BEND4: variants seen among roughly 807,000 people sequenced by gnomAD.
BEND4 encodes BEN domain containing 4, also known as BEN domain-containing protein 4.
A neutral mutation model predicts 54.7 loss-of-function variants in BEND4; 27 were observed. That is an observed-to-expected ratio of 0.49 (90% CI 0.36 to 0.68). The LOEUF is 0.68. BEND4 is among the 30% of genes least tolerant of loss of function. The probability of loss-of-function intolerance (pLI) is 0.00; values close to 1 mark genes in which losing one functional copy is unlikely to be tolerated. For synonymous variants in BEND4, 327 were observed against 299.5 expected, an observed-to-expected ratio of 1.09 and a Z score of -0.95; for missense variants, 702 against 697.2, an observed-to-expected ratio of 1.01 and a Z score of -0.08.
intron 3 of BEND4, among the ~76,000 whole-genome samples, chr4:42,134,090 C>T (rs763946957): frequency 1.3e-5 from 2 of 152,172 alleles, no homozygotes; most frequent in Non-Finnish European, 2.9e-5. Flanking sequence ...AAATGGTCTT[C>T]GTAAATAGTT....
At chr4:42,149,230 G>GTCTGTGCACA (rs1464982687) in intron 2 of BEND4, among the ~76,000 whole-genome samples, 3 of 140,736 alleles carry the variant, frequency 2.1e-5, no homozygotes, top group Non-Finnish European at 4.6e-5. Flanking sequence ...ATGGCCACGG[G>GTCTGTGCACA]TCTGTGCACA....
At chr4:42,125,525 A>T in intron 4 of BEND4, 58 bp downstream of exon 4, 1 of 1,332,862 alleles carries the variant, frequency 7.5e-7, no homozygotes, top group African/African-American at 1.4e-5. Context: ...CTGATAAGTT[A>T]ATCAAGATAC....
At position 42,125,589 on chromosome 4, in the gene BEND4, C is replaced by T. The variant is rs369710858; in HGVS notation, c.1140G>A (p.Pro380=). Residue 380 remains proline, a synonymous_variant, in exon 4 of 6, where the codon CCG becomes CCA. Transcript: ENST00000502486. Reference sequence around the variant, plus strand: ...CTTTTTACCAGAGACCTACCTCTGTCGGCTGGTCAGCTGGCTGTGGTATCA... The same window carrying T: ...CTTTTTACCAGAGACCTACCTCTGTTGGCTGGTCAGCTGGCTGTGGTATCA... ...QLLIPQPADQ[P]TEGSKQLLNN... The T allele has an allele frequency of 7.7e-5, 124 of 1,611,820 alleles. No homozygotes were observed. The highest frequency in any genetic ancestry group is 9.3e-5 in the Non-Finnish European group (109 of 1,178,040).
rs2153143735 is a variant in BEND4 at position 42,113,430 on chromosome 4, T to C, written c.*4088A>G. 6.6e-6 allele frequency: 1 copy of C among 152,334 alleles called. No individual in the cohort carries two copies. The highest frequency in any genetic ancestry group is 2.1e-4 in the South Asian group (1 of 4,822). 9.4% of individuals were successfully genotyped at this position (152,334 alleles called of 1,614,324 possible). A position where few individuals can be genotyped will look rare whatever the true frequency, so the allele number is the denominator to read the frequency against. ...AATGAGGACAATGGATGTTTGCTTT[T>C]CTGAACATATAGTGCACGTTTCATC... is the stretch of plus-strand genomic sequence containing the variant. On this transcript the variant is annotated 3_prime_UTR_variant, in exon 6 of 6. Transcript: ENST00000502486.
intron 4 of BEND4, among the ~76,000 whole-genome samples, chr4:42,122,892 G>C (rs1009410694): frequency 1.3e-5 from 2 of 152,192 alleles, no homozygotes; most frequent in African/African-American, 2.4e-5. Flanking sequence ...CTCAAGTTCA[G>C]AGTTCACCCT....
chr4:42,113,629 T>TATCA lies in BEND4; in HGVS notation c.*3885_*3888dup, dbSNP rs1719664098. ...TAGTTACTGGACTTAAAAAAAATCC[T>TATCA]ATCAACATCAGTTACCACTAGTTGA... On this transcript the variant is annotated 3_prime_UTR_variant, in exon 6 of 6. Transcript: ENST00000502486. The TATCA allele has an allele frequency of 6.6e-6, 1 of 152,204 alleles. No individual in the cohort carries two copies. Among genetic ancestry groups the TATCA allele is most frequent in the African/African-American group, 2.4e-5 (1 of 41,446 alleles). The allele number at this position is 152,204 out of a possible 1,614,324, so 9.4% of individuals were successfully genotyped here.
At chr4:42,137,787 C>T (rs1720744120) in intron 3 of BEND4, among the ~76,000 whole-genome samples, 1 of 152,114 alleles carries the variant, frequency 6.6e-6, no homozygotes, top group African/African-American at 2.4e-5. Context: ...TTACAAAATG[C>T]ACAAAAGACC....
Position 42,117,460 on chromosome 4 carries a change from A to C in BEND4, c.*58T>G. The C allele has an allele frequency of 8.2e-7, 1 of 1,222,374 alleles. No individual in the cohort carries two copies. The highest frequency in any genetic ancestry group is 2.0e-5 in the Admixed American group (1 of 49,452). 75.7% of individuals were successfully genotyped at this position (1,222,374 alleles called of 1,614,324 possible). On this transcript the variant is annotated 3_prime_UTR_variant, in exon 6 of 6. Transcript: ENST00000502486. The stretch of plus-strand genomic sequence containing the variant: ...TGGACTCTCAGGTGACAGGAACAGG[A>C]CATTCACAATTGGAACTCTTGAGAG...
At position 42,142,201 on chromosome 4, in the gene BEND4, C is replaced by G. The variant is rs190219531; in HGVS notation, c.1054+1227G>C. The stretch of plus-strand genomic sequence containing the variant: ...GATTACAGGCGTGAGCCACTGCGCC[C>G]GGCCTCAAGCTTAAACACTTTTTAG... On this transcript the variant is annotated intron_variant, in intron 3 of 5. Coordinates refer to ENST00000502486, the MANE Select transcript of BEND4 (RefSeq NM_207406.4). Among the ~76,000 whole-genome samples the G allele has an allele frequency of 3.9e-3, 593 of 151,664 alleles. 2 individuals carry two copies. The highest frequency in any genetic ancestry group is 0.014 in the African/African-American group (569 of 41,392).
intron 3 of BEND4, among the ~76,000 whole-genome samples, chr4:42,129,610 A>G (rs1041950786): frequency 9.8e-5 from 15 of 152,364 alleles, no homozygotes; most frequent in African/African-American, 3.6e-4. Context: ...CTGATCTTCA[A>G]AAAACCTGAC....
chr4:42,140,367 A>G (rs1323013348), intron 3 of BEND4, among the ~76,000 whole-genome samples: 1 of 152,198 alleles, frequency 6.6e-6, no homozygotes, highest in East Asian at 1.9e-4. Flanking sequence ...CATAATTAAT[A>G]AACTGGCTTT....
Position 42,115,102 on chromosome 4 carries a change from TC to T in BEND4, c.*2415del, listed in dbSNP as rs1302284184. 1 of 151,854 alleles carries T rather than the reference TC, an allele frequency of 6.6e-6. No homozygotes were observed. Among genetic ancestry groups the T allele is most frequent in the African/African-American group, 2.4e-5 (1 of 41,302 alleles). The allele number at this position is 151,854 out of a possible 1,614,324, so 9.4% of individuals were successfully genotyped here. A position where few individuals can be genotyped will look rare whatever the true frequency, so the allele number is the denominator to read the frequency against. On this transcript the variant is annotated 3_prime_UTR_variant, in exon 6 of 6. Coordinates refer to ENST00000502486, the MANE Select transcript of BEND4 (RefSeq NM_207406.4). ...TGGCTGTGCGATGCTGAGTATGGAG[TC>T]TGTCAGCCTTGTGCAAAAGAGATGC...
intron 3 of BEND4, among the ~76,000 whole-genome samples, chr4:42,134,148 T>A (rs1280316900): frequency 6.6e-6 from 1 of 152,162 alleles, no homozygotes; most frequent in Non-Finnish European, 1.5e-5. Context: ...ATCTTAAGGG[T>A]GCTTGGGTCT....
At chr4:42,140,902 G>C (rs1720857630) in intron 3 of BEND4, among the ~76,000 whole-genome samples, 1 of 152,184 alleles carries the variant, frequency 6.6e-6, no homozygotes, top group Admixed American at 6.5e-5. Flanking sequence ...GTAGCTGGAT[G>C]ATCTCTACGA....
chr4:42,144,113 A>G (rs1720994563), intron 2 of BEND4, 119 bp from the exon 3 acceptor site: 1 of 765,942 alleles, frequency 1.3e-6, no homozygotes, highest in African/African-American at 1.7e-5. Flanking sequence ...ACTGTCTGTC[A>G]TAAACCAAGA....
intron 4 of BEND4, among the ~76,000 whole-genome samples, chr4:42,123,549 T>C (rs540749036): frequency 2.0e-5 from 3 of 151,232 alleles, no homozygotes; most frequent in Middle Eastern, 6.9e-3. Context: ...AAAGCAGGGG[T>C]GTGGCAGTCA....
intron 3 of BEND4, 96 bp downstream of exon 3, chr4:42,143,332 C>A: frequency 9.0e-7 from 1 of 1,116,580 alleles, no homozygotes; most frequent in South Asian, 1.4e-5. Flanking sequence ...CATACATATA[C>A]ACATACACAT....
In BEND4 at chr4:42,114,628, C is replaced by T. The variant is rs1223521579; in HGVS notation, c.*2890G>A. 2 of 152,230 alleles carry T rather than the reference C, an allele frequency of 1.3e-5. No individual in the cohort carries two copies. Among genetic ancestry groups the T allele is most frequent in the Non-Finnish European group, 2.9e-5 (2 of 68,054 alleles). The allele number at this position is 152,230 out of a possible 1,614,324, so 9.4% of individuals were successfully genotyped here. On this transcript the variant is annotated 3_prime_UTR_variant, in exon 6 of 6. Coordinates refer to ENST00000502486, the MANE Select transcript of BEND4 (RefSeq NM_207406.4). ...AATCAAATCAAAATAATAAGCAACA[C>T]CTTCAAGTCTCCAAGGATTTCAACT...
rs1560587023 is a variant in BEND4 at position 42,151,755 on chromosome 4, G to C, written c.389C>G (p.Ser130Cys). ...ATACCTGACGACAGCGGCGAACGAA[G>C]ACGACGAGGAGGCGGCGGGGGACGC... The part of the protein sequence containing the change: ...PPASPAASSS[S>C]SFAAVVRYGP... Residue 130 changes from serine to cysteine, a missense_variant, in exon 2 of 6, where the codon TCT (serine) becomes TGT (cysteine). Ser to Cys is a moderately radical substitution (Grantham distance 112, BLOSUM62 -1). Coordinates refer to ENST00000502486, the MANE Select transcript of BEND4 (RefSeq NM_207406.4). The C allele has an allele frequency of 1.3e-6, 2 of 1,499,740 alleles. No homozygotes were observed. The highest frequency in any genetic ancestry group is 2.2e-5 in the Admixed American group (1 of 45,798). 92.9% of individuals were successfully genotyped at this position (1,499,740 alleles called of 1,614,324 possible).
Sources: allele counts gnomAD v4.1 joint callset (sites outside exome capture counted in the v4.1 genomes callset), GRCh38; gene constraint gnomAD v4.1.1; transcripts MANE v1.5; gene names NCBI Gene and HGNC (gene_info 2026-07-23, HGNC 2026-07-21).